The following BICDL1 variants were observed in gnomAD, a reference collection of about 807,000 sequenced individuals.
BICDL1 encodes BICD family like cargo adaptor 1.
BICDL1 carries 20 observed loss-of-function variants against 76.8 expected under a neutral mutation model. The ratio of observed to expected loss-of-function variants is 0.26; its 90% CI spans 0.18 to 0.38. The LOEUF is 0.38. BICDL1 is among the 10% of genes least tolerant of loss of function. The probability of loss-of-function intolerance (pLI) is 1.00; values close to 1 mark genes in which losing one functional copy is unlikely to be tolerated. For missense variants in BICDL1, 700 were observed against 798.6 expected, an observed-to-expected ratio of 0.88 and a Z score of 1.49; for synonymous variants, 383 against 337.1, an observed-to-expected ratio of 1.14 and a Z score of -1.49.
chr12:120,056,894 G>A (rs1006096275), intron 2 of BICDL1: 5 of 327,662 alleles, frequency 1.5e-5, no homozygotes, highest in African/African-American at 8.8e-5. Flanking sequence ...GGTCAGCAAT[G>A]CCTCCTCCCA....
intron 9 of BICDL1, chr12:120,091,070 G>A: frequency 7.8e-7 from 1 of 1,287,200 alleles, no homozygotes; most frequent in Non-Finnish European, 1.0e-6. Context: ...CCATTGCTGT[G>A]CTGCCCCGCC....
chr12:120,038,129 A>G (rs1300039687), intron 2 of BICDL1, among the ~76,000 whole-genome samples: 2 of 152,202 alleles, frequency 1.3e-5, no homozygotes, highest in Non-Finnish European at 2.9e-5. Flanking sequence ...TTGGGAATGG[A>G]GTCCAAAAAT....
intron 2 of BICDL1, among the ~76,000 whole-genome samples, chr12:120,003,106 C>T (rs1041486242): frequency 1.7e-4 from 25 of 149,972 alleles, no homozygotes; most frequent in African/African-American, 4.7e-4. Flanking sequence ...TGCAGTGAGC[C>T]GAAATTGTGC....
In BICDL1 at chr12:120,071,877, G is replaced by A. The variant is rs1873132541; in HGVS notation, c.1089+76G>A. 2.8e-6 allele frequency: 4 copies of A among 1,443,876 alleles called. No homozygotes were observed. Among genetic ancestry groups the A allele is most frequent in the Non-Finnish European group, 3.6e-6 (4 of 1,098,214 alleles). The allele number at this position is 1,443,876 out of a possible 1,614,324, so 89.4% of individuals were successfully genotyped here. ...GTCTCATCCTCCTCCCTAGTGCTCAGCTGCCATCCTGGCAAGGCTGTGCCC... is the reference window on the plus strand; with the variant it reads ...GTCTCATCCTCCTCCCTAGTGCTCAACTGCCATCCTGGCAAGGCTGTGCCC... On this transcript the variant is annotated intron_variant, in intron 5 of 9. Coordinates refer to ENST00000548673, the MANE Select transcript of BICDL1 (RefSeq NM_001367886.1). The surrounding 1 kb of genome is among the most constrained non-coding windows in gnomAD (Gnocchi z 4.8).
intron 2 of BICDL1, among the ~76,000 whole-genome samples, chr12:120,040,932 AG>A (rs1952629955): frequency 6.6e-6 from 1 of 151,872 alleles, no homozygotes; most frequent in African/African-American, 2.4e-5. Flanking sequence ...TTTTTAGTAG[AG>A]GAGGGGTTTC....
At chr12:120,089,116 C>G (rs900141080) in intron 8 of BICDL1, among the ~76,000 whole-genome samples, 3 of 152,244 alleles carry the variant, frequency 2.0e-5, no homozygotes, top group African/African-American at 4.8e-5. Flanking sequence ...GGATTGCTAA[C>G]TACAAGGAAT....
At chr12:120,069,422 A>G (rs551896317) in intron 4 of BICDL1, among the ~76,000 whole-genome samples, 1 of 152,328 alleles carries the variant, frequency 6.6e-6, no homozygotes, top group African/African-American at 2.4e-5. Context: ...TTACTATCTC[A>G]TCTGTCAATA....
chr12:119,990,390 C>A, intron 1 of BICDL1, 93 bp downstream of exon 1: 6 of 1,503,208 alleles, frequency 4.0e-6, no homozygotes, highest in Non-Finnish European at 4.4e-6. Context: ...ACCCCCACTT[C>A]GTTGCTCACC....
At chr12:120,025,820 C>T (rs900765256) in intron 2 of BICDL1, among the ~76,000 whole-genome samples, 1 of 151,864 alleles carries the variant, frequency 6.6e-6, no homozygotes, top group South Asian at 2.1e-4. Context: ...ATATATACCA[C>T]ATTCCTTTTA....
chr12:120,023,966 A>G (rs1397794305), intron 2 of BICDL1, among the ~76,000 whole-genome samples: 2 of 152,118 alleles, frequency 1.3e-5, no homozygotes. Flanking sequence ...AAACTTAAGT[A>G]GAAACATGGA....
rs201141901 is a variant in BICDL1, at chr12:120,090,050, G to T, written c.1683G>T (p.Ser561=). Residue 561 remains serine (S), a synonymous_variant, in exon 9 of 10, where the codon TCG becomes TCT. Coordinates refer to ENST00000548673, the MANE Select transcript of BICDL1 (RefSeq NM_001367886.1). The part of the protein sequence containing the change: ...LDAIQQKLNL[S]QQLEAWQDDM... ...CCATTCAGCAGAAACTGAACCTCTC[G>T]CAGCAGCTGGAAGCTTGGCAGGTAA... The T allele has an allele frequency of 1.9e-6, 3 of 1,613,946 alleles. No individual in the cohort carries two copies. The highest frequency in any genetic ancestry group is 2.2e-5 in the East Asian group (1 of 44,890).
At position 120,071,846 on chromosome 12, in the gene BICDL1, GCTTAGGT is replaced by G; in HGVS notation, c.1089+48_1089+54del. On this transcript the variant is annotated intron_variant, in intron 5 of 9. Coordinates refer to ENST00000548673, the MANE Select transcript of BICDL1 (RefSeq NM_001367886.1). This position sits in a 1 kb window ranked among gnomAD's most constrained non-coding sequence, Gnocchi z 4.8. ...CCCACAGGCGAGGCTACCTGGGGTT[GCTTAGGT>G]CTCATCCTCCTCCCTAGTGCTCAGC... 6.6e-7 allele frequency: 1 copy of G among 1,516,938 alleles called. No homozygotes were observed. Among genetic ancestry groups the G allele is most frequent in the Non-Finnish European group, 8.8e-7 (1 of 1,132,774 alleles). The allele number at this position is 1,516,938 out of a possible 1,614,324, so 94.0% of individuals were successfully genotyped here.
chr12:120,090,785 G>T, intron 9 of BICDL1: 1 of 860,432 alleles, frequency 1.2e-6, no homozygotes. Flanking sequence ...AGGGCCCCAT[G>T]GGGCTGGCAG....
At chr12:120,084,444 T>C (rs905678307) in intron 8 of BICDL1, among the ~76,000 whole-genome samples, 3 of 152,242 alleles carry the variant, frequency 2.0e-5, no homozygotes, top group African/African-American at 7.2e-5. Flanking sequence ...AGTCTTCTGA[T>C]TCCCGTCTTC....
intron 8 of BICDL1, among the ~76,000 whole-genome samples, chr12:120,085,032 A>G (rs1874290604): frequency 6.6e-6 from 1 of 151,764 alleles, no homozygotes. Flanking sequence ...TCAGAACCTC[A>G]TGTCATGGTG....
At position 120,003,142 on chromosome 12, in the gene BICDL1, A is replaced by T. The variant is rs547450090; in HGVS notation, c.645+4406A>T. On this transcript the variant is annotated intron_variant, in intron 2 of 9. Coordinates refer to ENST00000548673, the MANE Select transcript of BICDL1 (RefSeq NM_001367886.1). ...CACTGCACTCCAGCCTGGGCAACAG[A>T]GCAAGACCCCATCTTTAAAAAAAAA... Among the ~76,000 whole-genome samples, 1,132 of 143,864 alleles carry T rather than the reference A, an allele frequency of 7.9e-3. 12 individuals are homozygous for T. Among genetic ancestry groups the T allele is most frequent in the African/African-American group, 0.027 (1,033 of 38,604 alleles). The allele number at this position is 143,864 out of a possible 152,430, so 94.4% of individuals were successfully genotyped here.
chr12:120,058,685 G>A (rs957548821), intron 2 of BICDL1, among the ~76,000 whole-genome samples: 4 of 151,456 alleles, frequency 2.6e-5, no homozygotes, highest in Admixed American at 6.6e-5. Context: ...CCCTCTCCTG[G>A]GTTTAAGCGA....
intron 2 of BICDL1, among the ~76,000 whole-genome samples, chr12:120,003,462 T>C (rs1951797583): frequency 6.6e-6 from 1 of 152,218 alleles, no homozygotes; most frequent in Non-Finnish European, 1.5e-5. Context: ...AAGAATACAC[T>C]ACCCCTCCAT....
chr12:119,992,301 C>A (rs569703405), intron 1 of BICDL1: 12 of 152,268 alleles, frequency 7.9e-5, no homozygotes, highest in African/African-American at 2.6e-4. Context: ...TTGACACCTC[C>A]GGTTTAGTTT....
Sources: gnomAD v4.1 joint callset for allele counts (sites outside exome capture counted in the v4.1 genomes callset) on GRCh38, gnomAD v4.1.1 for gene constraint, Gnocchi (gnomAD v3.1) non-coding constraint, MANE v1.5 for transcripts, NCBI Gene and HGNC (gene_info 2026-07-23, HGNC 2026-07-21) for gene names.